The following CSMD1 variants were observed in gnomAD, a reference collection of about 807,000 sequenced individuals.
The protein encoded by CSMD1 is CUB and Sushi multiple domains 1.
In CSMD1, 213 loss-of-function variants were observed where a neutral mutation model predicts 417.5. The ratio of observed to expected loss-of-function variants is 0.51; its 90% CI spans 0.46 to 0.57. The LOEUF (loss-of-function observed/expected upper bound fraction) is 0.57, where lower values mean the gene tolerates loss of function less well. Ranked by LOEUF, CSMD1 falls within the 20% of genes least tolerant of loss-of-function variation. CSMD1 has a pLI of 0.00. For missense variants in CSMD1, 6,923 were observed against 4,529.7 expected (o/e 1.53, Z -15.17); for synonymous variants, 2,862 against 1,736.8 (o/e 1.65, Z -16.11).
intron 1 of CSMD1, among the ~76,000 whole-genome samples, chr8:4,820,931 G>C (rs968653977): frequency 6.6e-6 from 1 of 152,128 alleles, no homozygotes; most frequent in Non-Finnish European, 1.5e-5. Context: ...TCTTCATGTT[G>C]CTTCCATCTT....
chr8:4,993,269 C>G (rs1187167774), intron 1 of CSMD1, among the ~76,000 whole-genome samples: 1 of 152,140 alleles, frequency 6.6e-6, no homozygotes, highest in South Asian at 2.1e-4. Flanking sequence ...TTTGTAGATA[C>G]AGATACTCCC....
At chr8:3,840,068 A>G (rs987268026) in intron 5 of CSMD1, among the ~76,000 whole-genome samples, 3 of 152,136 alleles carry the variant, frequency 2.0e-5, no homozygotes, top group Admixed American at 6.6e-5. Context: ...TTAATATATA[A>G]TAGCTCTGCC....
chr8:4,733,589 T>C (rs1285906462), intron 1 of CSMD1, among the ~76,000 whole-genome samples: 1 of 152,196 alleles, frequency 6.6e-6, no homozygotes, highest in Non-Finnish European at 1.5e-5. Flanking sequence ...TTAAATAACT[T>C]ACATGTTTCA....
At chr8:4,273,292 G>A (rs541920914) in intron 3 of CSMD1, among the ~76,000 whole-genome samples, 7 of 152,222 alleles carry the variant, frequency 4.6e-5, no homozygotes, top group Admixed American at 3.3e-4. Context: ...GTGAGTATAT[G>A]TATATAATTT....
chr8:3,239,880 G>A (rs751892044), intron 26 of CSMD1, among the ~76,000 whole-genome samples: 6 of 152,102 alleles, frequency 3.9e-5, no homozygotes, highest in Non-Finnish European at 8.8e-5. Flanking sequence ...GAATAATGTG[G>A]GAGGCTGGAT....
At chr8:4,904,978 G>A (rs951641880) in intron 1 of CSMD1, among the ~76,000 whole-genome samples, 1 of 152,094 alleles carries the variant, frequency 6.6e-6, no homozygotes, top group Non-Finnish European at 1.5e-5. Context: ...AACCAACATA[G>A]TACAATTTGC....
chr8:4,216,496 T>A (rs1800678871), intron 3 of CSMD1, among the ~76,000 whole-genome samples: 1 of 152,172 alleles, frequency 6.6e-6, no homozygotes, highest in Non-Finnish European at 1.5e-5. Flanking sequence ...ATTAATAGAA[T>A]TAGTGCTTAT....
At chr8:3,087,905 T>A (rs1814658314) in intron 48 of CSMD1, among the ~76,000 whole-genome samples, 1 of 152,266 alleles carries the variant, frequency 6.6e-6, no homozygotes. Flanking sequence ...GCGTGTTTTT[T>A]AAGTGTTGTT....
At chr8:3,998,245 G>T (rs992734196) in intron 4 of CSMD1, 135 bp from the exon 5 acceptor site, 35 of 682,978 alleles carry the variant, frequency 5.1e-5, no homozygotes, top group Non-Finnish European at 8.1e-5. Context: ...ATCTGAAAAA[G>T]AATCTTTTGG....
chr8:4,728,989 A>G (rs1190121551), intron 1 of CSMD1, among the ~76,000 whole-genome samples: 1 of 152,126 alleles, frequency 6.6e-6, no homozygotes, highest in Non-Finnish European at 1.5e-5. Context: ...GAGGAGGGAG[A>G]CTGTGGTGAT....
rs549267065 is a variant in CSMD1, at chr8:4,859,324, C to T, written c.85+135008G>A. Reference sequence around the variant, plus strand: ...AAACCATAAATAACCTAGAAGAAAACCTAGGCATTACCATTCAGGACATAG... The same window carrying T: ...AAACCATAAATAACCTAGAAGAAAATCTAGGCATTACCATTCAGGACATAG... On this transcript the variant is annotated intron_variant, in intron 1 of 69. Coordinates refer to ENST00000635120, the MANE Select transcript of CSMD1 (RefSeq NM_033225.6). 5.9e-5 allele frequency among the ~76,000 whole-genome samples: 9 copies of T among 152,254 alleles called. No individual in the cohort carries two copies. In the East Asian group the frequency reaches 1.7e-3, roughly 29 times the overall value.
At chr8:3,291,322 G>C (rs191264291) in intron 25 of CSMD1, among the ~76,000 whole-genome samples, 48 of 149,902 alleles carry the variant, frequency 3.2e-4, no homozygotes, top group South Asian at 1.1e-3. Context: ...TTTGCTTTCA[G>C]GGTGATGCTG....
At chr8:4,723,031 A>G (rs1809166381) in intron 1 of CSMD1, among the ~76,000 whole-genome samples, 1 of 152,102 alleles carries the variant, frequency 6.6e-6, no homozygotes, top group Non-Finnish European at 1.5e-5. Context: ...CTGCTATGTA[A>G]TATCTTGGCA....
At chr8:4,833,762 T>A (rs1337777141) in intron 1 of CSMD1, among the ~76,000 whole-genome samples, 1 of 152,210 alleles carries the variant, frequency 6.6e-6, no homozygotes, top group East Asian at 1.9e-4. Context: ...TGACTTCTAT[T>A]CGTTATCTTA....
chr8:3,664,210 G>A (rs952879143), intron 7 of CSMD1, among the ~76,000 whole-genome samples: 4 of 152,104 alleles, frequency 2.6e-5, no homozygotes, highest in Non-Finnish European at 5.9e-5. Context: ...AGGCCCCTGT[G>A]TGTGATGTTC....
At chr8:3,803,501 C>T (rs1335857820) in intron 5 of CSMD1, among the ~76,000 whole-genome samples, 1 of 152,122 alleles carries the variant, frequency 6.6e-6, no homozygotes, top group African/African-American at 2.4e-5. Flanking sequence ...ACAAGAAGAG[C>T]CCATGCACAG....
intron 12 of CSMD1, among the ~76,000 whole-genome samples, chr8:3,449,118 T>G (rs963583327): frequency 3.3e-5 from 5 of 152,204 alleles, no homozygotes; most frequent in African/African-American, 9.7e-5. Flanking sequence ...CAAAGCAACA[T>G]GCAAAGCACT....
chr8:4,497,829 G>A (rs1290982713), intron 2 of CSMD1, among the ~76,000 whole-genome samples: 5 of 152,110 alleles, frequency 3.3e-5, no homozygotes, highest in Admixed American at 6.6e-5. Context: ...CAGAATCAAC[G>A]GTAGAAAAAT....
At chr8:4,072,491 A>G (rs1799611809) in intron 3 of CSMD1, among the ~76,000 whole-genome samples, 1 of 152,194 alleles carries the variant, frequency 6.6e-6, no homozygotes, top group African/African-American at 2.4e-5. Flanking sequence ...GGGAATTGTG[A>G]CTATAATCCA....
Sources: allele counts gnomAD v4.1 joint callset (sites outside exome capture counted in the v4.1 genomes callset), GRCh38; gene constraint gnomAD v4.1.1; transcripts MANE v1.5; gene names NCBI Gene and HGNC (gene_info 2026-07-23, HGNC 2026-07-21).